The following CIT variants were observed in gnomAD, a reference collection of about 807,000 sequenced individuals.
CIT encodes citron rho-interacting serine/threonine kinase.
CIT carries 79 observed loss-of-function variants against 272.7 expected under a neutral mutation model. The observed-to-expected ratio is 0.29, with a 90% CI of 0.24 to 0.35. The LOEUF is 0.35. Among genes scored for constraint, CIT ranks in the 10% least tolerant of loss-of-function variants. The probability of loss-of-function intolerance (pLI) is 1.00; values close to 1 mark genes in which losing one functional copy is unlikely to be tolerated. For missense variants in CIT, 1,909 were observed against 2,618.3 expected (o/e 0.73, Z 5.91); for synonymous variants, 948 against 995.6 (o/e 0.95, Z 0.90).
chr12:119,808,179 G>C (rs1966717139), intron 9 of CIT, among the ~76,000 whole-genome samples: 1 of 151,352 alleles, frequency 6.6e-6, no homozygotes, highest in Admixed American at 6.6e-5. Context: ...AGCTTTTGAG[G>C]GGAAAAAAAT....
rs1385784225 is a variant in CIT, at chr12:119,686,810, G to A, written c.*1422C>T. The A allele has an allele frequency of 6.6e-6, 1 of 152,662 alleles. No homozygotes were observed. The highest frequency in any genetic ancestry group is 1.5e-5 in the Non-Finnish European group (1 of 68,064). 9.5% of individuals were successfully genotyped at this position (152,662 alleles called of 1,614,324 possible). ...AGGAATTTCGTACTCTAATAGGAGG[G>A]TCCGCAGACCCAGTGGGAGCCGCAC... is the stretch of plus-strand genomic sequence containing the variant. On this transcript the variant is annotated 3_prime_UTR_variant, in exon 48 of 48. Coordinates refer to ENST00000392521, the MANE Select transcript of CIT (RefSeq NM_001206999.2).
chr12:119,785,164 A>G, intron 10 of CIT, 99 bp from the exon 11 acceptor site: 1 of 1,249,954 alleles, frequency 8.0e-7, no homozygotes, highest in Non-Finnish European at 1.1e-6. Context: ...AAAACATCTC[A>G]TGCTCTTGAT....
At chr12:119,731,589 T>C (rs1057302881) in intron 26 of CIT, among the ~76,000 whole-genome samples, 7 of 151,432 alleles carry the variant, frequency 4.6e-5, no homozygotes, top group Admixed American at 4.6e-4. Context: ...AAAAATCACT[T>C]CCCTTTCCCC....
intron 8 of CIT, among the ~76,000 whole-genome samples, chr12:119,824,613 G>A (rs962990305): frequency 2.6e-5 from 4 of 152,282 alleles, no homozygotes; most frequent in Admixed American, 2.6e-4. Context: ...AGAGTTAAGT[G>A]CCATATAAGT....
At chr12:119,711,465 G>A (rs1957155239) in intron 37 of CIT, among the ~76,000 whole-genome samples, 1 of 152,178 alleles carries the variant, frequency 6.6e-6, no homozygotes, top group Non-Finnish European at 1.5e-5. Context: ...CTTCCTGGAG[G>A]GGACACAGCT....
chr12:119,788,287 T>C (rs1294991149), intron 10 of CIT, among the ~76,000 whole-genome samples: 1 of 152,252 alleles, frequency 6.6e-6, no homozygotes, highest in African/African-American at 2.4e-5. Context: ...ATGCTTGGCA[T>C]GGCCTTGAGC....
At chr12:119,700,846 G>A (rs753676569) in intron 43 of CIT, 21 bp from the exon 44 acceptor site, 7 of 1,600,974 alleles carry the variant, frequency 4.4e-6, no homozygotes, top group East Asian at 2.2e-5. Flanking sequence ...TCAAGAGCAC[G>A]TGGGCATTAG....
At chr12:119,818,363 T>C (rs912437728) in intron 9 of CIT, among the ~76,000 whole-genome samples, 3 of 152,142 alleles carry the variant, frequency 2.0e-5, no homozygotes, top group African/African-American at 7.2e-5. Context: ...ACACAAAAAT[T>C]TGTAAGACTT....
intron 5 of CIT, among the ~76,000 whole-genome samples, chr12:119,847,833 G>A (rs1969926606): frequency 6.6e-6 from 1 of 152,250 alleles, no homozygotes; most frequent in South Asian, 2.1e-4. Context: ...GGAGGTTGCA[G>A]TGAGCTGAGA....
chr12:119,700,054 C>T (rs1255079993), intron 44 of CIT, among the ~76,000 whole-genome samples: 2 of 152,292 alleles, frequency 1.3e-5, no homozygotes, highest in African/African-American at 4.8e-5. Context: ...ACAAACAAAA[C>T]GGGCATGGCC....
chr12:119,785,649 G>A (rs1054614832), intron 10 of CIT, among the ~76,000 whole-genome samples: 1 of 151,734 alleles, frequency 6.6e-6, no homozygotes, highest in Non-Finnish European at 1.5e-5. Context: ...CTGCAACCTC[G>A]GCTCACTGCA....
chr12:119,708,495 T>A (rs933002769), intron 39 of CIT, among the ~76,000 whole-genome samples, 177 bp from the exon 40 acceptor site: 24 of 152,024 alleles, frequency 1.6e-4, no homozygotes, highest in South Asian at 4.2e-4. Context: ...TTTTTTTTTT[T>A]AAATTTTTGA....
chr12:119,775,891 C>A, intron 15 of CIT, 52 bp from the exon 16 acceptor site: 1 of 1,439,346 alleles, frequency 6.9e-7, no homozygotes, highest in African/African-American at 1.4e-5. Flanking sequence ...GCATTAACAT[C>A]TTGCTACATT....
At chr12:119,698,242 AG>A in intron 44 of CIT, 188 bp from the exon 45 acceptor site, 1 of 628,206 alleles carries the variant, frequency 1.6e-6, no homozygotes, top group Non-Finnish European at 2.9e-6. Context: ...GGTTTGTTAC[AG>A]CAGAAGATGG....
At chr12:119,829,653 T>G (rs1210994373) in intron 7 of CIT, among the ~76,000 whole-genome samples, 6 of 152,210 alleles carry the variant, frequency 3.9e-5, no homozygotes, top group Non-Finnish European at 7.3e-5. Context: ...TATGACTGTT[T>G]TCATGAGAGC....
At chr12:119,832,484 A>G (rs931496740) in intron 7 of CIT, among the ~76,000 whole-genome samples, 3 of 152,232 alleles carry the variant, frequency 2.0e-5, no homozygotes, top group African/African-American at 4.8e-5. Context: ...AAGACAGTCT[A>G]TAACAGGCAA....
intron 7 of CIT, among the ~76,000 whole-genome samples, chr12:119,832,123 T>G (rs1207932796): frequency 1.3e-5 from 2 of 152,226 alleles, no homozygotes; most frequent in East Asian, 3.8e-4. Flanking sequence ...TATCCTTTTT[T>G]GCGGAGTTGA....
intron 46 of CIT, among the ~76,000 whole-genome samples, chr12:119,692,105 C>T (rs778092633): frequency 9.9e-5 from 15 of 152,100 alleles, no homozygotes; most frequent in Non-Finnish European, 7.3e-5. Flanking sequence ...CTGACACCAA[C>T]GTTGGACACA....
chr12:119,734,355 C>A lies in CIT; in HGVS notation c.3159G>T (p.Thr1053=), dbSNP rs199530958. Residue 1053 remains threonine, a splice_region_variant and synonymous_variant, in exon 26 of 48, where the codon ACG becomes ACT. Transcript: ENST00000392521. ...REMQLTSQKQ[T]MEALKTTCTM... ...TGCACGTGGTCTTCAGAGCCTCCAT[C>A]GTCTGCAAATCAGTAGCACTGATTT... 6.2e-7 allele frequency: 1 copy of A among 1,612,586 alleles called. No homozygotes were observed. Among genetic ancestry groups the A allele is most frequent in the African/African-American group, 1.3e-5 (1 of 74,898 alleles).
Sources: gnomAD v4.1 joint callset for allele counts (sites outside exome capture counted in the v4.1 genomes callset) on GRCh38, gnomAD v4.1.1 for gene constraint, MANE v1.5 for transcripts, NCBI Gene and HGNC (gene_info 2026-07-23, HGNC 2026-07-21) for gene names.